Variants in IKZF2 observed in about 807,000 individuals in gnomAD.
IKZF2 encodes the protein IKAROS family zinc finger 2.
In IKZF2, 15 loss-of-function variants were observed where a neutral mutation model predicts 49.2. That is an observed-to-expected ratio of 0.30 (90% CI 0.20 to 0.47). The LOEUF is 0.47. Among genes scored for constraint, IKZF2 ranks in the 20% least tolerant of loss-of-function variants. The pLI is 1.00. For missense variants in IKZF2, 567 were observed against 664.6 expected, an observed-to-expected ratio of 0.85 and a Z score of 1.61; for synonymous variants, 227 against 221.4, an observed-to-expected ratio of 1.03 and a Z score of -0.23.
chr2:213,132,223 C>G (rs1022297954), intron 4 of IKZF2, among the ~76,000 whole-genome samples: 2 of 152,012 alleles, frequency 1.3e-5, no homozygotes, highest in Non-Finnish European at 2.9e-5. Context: ...AAGTCATTTT[C>G]CCTGCCCTCA....
intron 4 of IKZF2, among the ~76,000 whole-genome samples, chr2:213,125,495 C>T (rs2060228098): frequency 1.3e-5 from 2 of 152,112 alleles, no homozygotes; most frequent in Admixed American, 1.3e-4. Context: ...GGATAAAATG[C>T]ATTTTTGTCA....
At chr2:213,067,842 C>T (rs375653819) in intron 4 of IKZF2, among the ~76,000 whole-genome samples, 2 of 152,078 alleles carry the variant, frequency 1.3e-5, no homozygotes, top group African/African-American at 4.8e-5. Context: ...ATAAGCCCCA[C>T]ACCACCATGC....
At chr2:213,094,564 G>C (rs543485962) in intron 4 of IKZF2, among the ~76,000 whole-genome samples, 1 of 152,070 alleles carries the variant, frequency 6.6e-6, no homozygotes, top group Non-Finnish European at 1.5e-5. Context: ...GCTGAGATGC[G>C]CAGGCTGGGA....
At chr2:213,054,064 T>C (rs1218853374) in intron 5 of IKZF2, among the ~76,000 whole-genome samples, 1 of 152,028 alleles carries the variant, frequency 6.6e-6, no homozygotes, top group Non-Finnish European at 1.5e-5. Context: ...ACCAACATGG[T>C]GAAACCCTGT....
chr2:213,016,621 T>C (rs1262071096), intron 7 of IKZF2, among the ~76,000 whole-genome samples: 7 of 152,134 alleles, frequency 4.6e-5, no homozygotes, highest in Admixed American at 4.6e-4. Context: ...GGGCTAAAGA[T>C]ATACCAATAA....
At position 213,008,008 on chromosome 2, in the gene IKZF2, C is replaced by A; in HGVS notation, c.933G>T (p.Leu311=). The change falls in exon 9 of 9, where the codon CTG becomes CTT. Residue 311 remains leucine (L), a synonymous_variant. Coordinates refer to ENST00000434687, the MANE Select transcript of IKZF2 (RefSeq NM_001387220.1). ...CTTGGTCCATCATATGAGACTGCAT[C>A]AGCTCAGCCTCCTTCTCATATGTTA... ...MNLTYEKEAE[L]MQSHMMDQAI... The A allele has an allele frequency of 6.2e-7, 1 of 1,613,152 alleles. No individual in the cohort carries two copies. The highest frequency in any genetic ancestry group is 8.5e-7 in the Non-Finnish European group (1 of 1,179,634).
chr2:213,036,815 C>T (rs924938949), intron 6 of IKZF2, among the ~76,000 whole-genome samples: 5 of 152,032 alleles, frequency 3.3e-5, no homozygotes, highest in Middle Eastern at 3.2e-3. Flanking sequence ...AGTTTTCTTA[C>T]AGTATTTGGC....
intron 5 of IKZF2, among the ~76,000 whole-genome samples, chr2:213,055,073 T>C (rs1344092066): frequency 6.6e-6 from 1 of 152,114 alleles, no homozygotes; most frequent in Non-Finnish European, 1.5e-5. Flanking sequence ...ATCTTCTAAA[T>C]ACTGTTTTTA....
chr2:213,014,048 A>C (rs1230403375), intron 7 of IKZF2, 114 bp from the exon 8 acceptor site: 3 of 919,972 alleles, frequency 3.3e-6, no homozygotes, highest in Non-Finnish European at 5.0e-6. Flanking sequence ...CTTCAGTAGA[A>C]GCAAGTAGAA....
intron 6 of IKZF2, among the ~76,000 whole-genome samples, chr2:213,034,346 C>CT (rs1698782594): frequency 6.6e-6 from 1 of 152,204 alleles, no homozygotes; most frequent in Non-Finnish European, 1.5e-5. Context: ...CACAATGTGG[C>CT]TGTTTGGCAC....
intron 4 of IKZF2, among the ~76,000 whole-genome samples, chr2:213,136,026 G>C (rs1405649859): frequency 1.4e-5 from 2 of 147,032 alleles, no homozygotes; most frequent in African/African-American, 5.2e-5. Flanking sequence ...TCCAGCCTGG[G>C]CTACAGAGCG....
At chr2:213,136,092 G>T (rs185857443) in intron 4 of IKZF2, among the ~76,000 whole-genome samples, 42 of 149,328 alleles carry the variant, frequency 2.8e-4, no homozygotes, top group Non-Finnish European at 5.9e-5. Flanking sequence ...AGAAAGAGCC[G>T]GGGGCAGTGG....
intron 7 of IKZF2, among the ~76,000 whole-genome samples, chr2:213,018,822 T>C (rs966056201): frequency 5.3e-5 from 8 of 152,176 alleles, no homozygotes; most frequent in Non-Finnish European, 7.3e-5. Context: ...CTCTGTATCC[T>C]GCCTGATATA....
At chr2:213,013,744 C>A (rs1353494716) in intron 8 of IKZF2, 47 bp downstream of exon 8, 2 of 1,554,614 alleles carry the variant, frequency 1.3e-6, no homozygotes, top group East Asian at 4.5e-5. Flanking sequence ...TTGCCTTTTC[C>A]TATTAACATC....
At position 213,045,117 on chromosome 2, in the gene IKZF2, C is replaced by G. The variant is rs118159121; in HGVS notation, c.574+4596G>C. On this transcript the variant is annotated intron_variant, in intron 6 of 8. Coordinates refer to ENST00000434687, the MANE Select transcript of IKZF2 (RefSeq NM_001387220.1). ...CCTACAACTATCACCTCTCCCAAGA[C>G]AGCAAACTAAAAGAAATAATAATTC... Among the ~76,000 whole-genome samples the G allele has an allele frequency of 4.6e-3, 693 of 152,282 alleles. 15 individuals are homozygous for G. Among genetic ancestry groups the G allele is most frequent in the East Asian group, 0.038 (195 of 5,194 alleles).
intron 4 of IKZF2, among the ~76,000 whole-genome samples, chr2:213,085,325 G>C (rs16825066): frequency 0.022 from 3,297 of 152,182 alleles, 123 homozygotes; most frequent in African/African-American, 0.075. Context: ...TTCTTATTAT[G>C]AGCCAAATTT....
intron 4 of IKZF2, among the ~76,000 whole-genome samples, chr2:213,078,326 C>G (rs1031563359): frequency 6.6e-6 from 1 of 152,110 alleles, no homozygotes; most frequent in African/African-American, 2.4e-5. Flanking sequence ...GTTCTCAATT[C>G]ACAGCAACAA....
intron 4 of IKZF2, among the ~76,000 whole-genome samples, chr2:213,140,390 A>C (rs2060824632): frequency 6.6e-6 from 1 of 151,904 alleles, no homozygotes; most frequent in Non-Finnish European, 1.5e-5. Flanking sequence ...TTGTATCTGC[A>C]TATTTATCTC....
In IKZF2 at chr2:213,000,178, G is replaced by C. The variant is rs1694759759; in HGVS notation, c.*7182C>G. The C allele has an allele frequency of 9.6e-6, 1 of 103,656 alleles. No homozygotes were observed. The highest frequency in any genetic ancestry group is 3.4e-4 in the South Asian group (1 of 2,958). 6.4% of individuals were successfully genotyped at this position (103,656 alleles called of 1,614,324 possible). On this transcript the variant is annotated 3_prime_UTR_variant, in exon 9 of 9. Transcript: ENST00000434687. ...CCTCATTTTCTGAGGTATGGTATTT[G>C]AGCCTTAAAAAAACTACATTACACT...
Sources: allele counts gnomAD v4.1 joint callset (sites outside exome capture counted in the v4.1 genomes callset), GRCh38; gene constraint gnomAD v4.1.1; transcripts MANE v1.5; gene names NCBI Gene and HGNC (gene_info 2026-07-23, HGNC 2026-07-21).